The following CLU variants were observed in gnomAD, a reference collection of about 807,000 sequenced individuals.
CLU encodes the protein aging-associated protein 4.
CLU carries 25 observed loss-of-function variants against 46.4 expected under a neutral mutation model. The ratio of observed to expected loss-of-function variants is 0.54; its 90% confidence interval spans 0.39 to 0.75. The LOEUF is 0.75. CLU is among the 30% of genes least tolerant of loss of function. The probability of loss-of-function intolerance (pLI) is 0.00; values close to 1 mark genes in which losing one functional copy is unlikely to be tolerated. For synonymous variants in CLU, 235 were observed against 235.1 expected (o/e 1.00, Z 0.00); for missense variants, 504 against 592.1 (o/e 0.85, Z 1.54).
rs1233946390 is a variant in CLU at position 27,606,434 on chromosome 8, A to G, written c.337T>C (p.Cys113Arg). The change falls in exon 4 of 9, where the codon TGT (cysteine) becomes CGT (arginine). Residue 113 changes from cysteine to arginine, a missense_variant. Around this residue, in one of 3 missense-constraint regions of CLU, gnomAD observed 428 missense variants for 484.0 expected, o/e 0.88. Transcript: ENST00000316403. The part of the protein sequence containing the change: ...NETMMALWEE[C>R]KPCLKQTCMK... ...CAGGTCTGTTTCAGGCAGGGCTTAC[A>G]CTCTTCCCAGAGGGCCATCATGGTC... 6.2e-7 allele frequency: 1 copy of G among 1,613,774 alleles called. No individual in the cohort carries two copies. Among genetic ancestry groups the G allele is most frequent in the Non-Finnish European group, 8.5e-7 (1 of 1,179,972 alleles).
intron 4 of CLU, among the ~76,000 whole-genome samples, chr8:27,605,612 G>A (rs898117225): frequency 6.6e-6 from 1 of 152,244 alleles, no homozygotes; most frequent in Non-Finnish European, 1.5e-5. Flanking sequence ...TGTCATCTTT[G>A]GCCACCAATG....
intron 6 of CLU, among the ~76,000 whole-genome samples, chr8:27,600,575 C>T (rs554389960): frequency 3.3e-5 from 5 of 152,258 alleles, no homozygotes; most frequent in African/African-American, 7.2e-5. Context: ...CAGTGTGCTT[C>T]GTAACATCAT....
intron 4 of CLU, among the ~76,000 whole-genome samples, chr8:27,605,931 T>A (rs1422652503): frequency 4.6e-5 from 7 of 151,950 alleles, no homozygotes; most frequent in African/African-American, 1.7e-4. Flanking sequence ...TCCCAGCTAC[T>A]TGGGAGGCTG....
At chr8:27,610,950 AG>A in intron 1 of CLU, 1 of 370,278 alleles carries the variant, frequency 2.7e-6, no homozygotes, top group Non-Finnish European at 5.3e-6. Flanking sequence ...CTCCTTGTCC[AG>A]AGTGGTATCG....
At chr8:27,611,928 G>A in intron 1 of CLU, 1 of 364,610 alleles carries the variant, frequency 2.7e-6, no homozygotes, top group South Asian at 2.1e-5. Flanking sequence ...GAGAGACAAA[G>A]CCAGCCAGAA....
chr8:27,609,074 T>C lies in CLU; in HGVS notation c.110A>G (p.Gln37Arg). The change falls in exon 3 of 9, where the codon CAG (glutamine) becomes CGG (arginine). Residue 37 changes from glutamine (Q) to arginine (R), a missense_variant. Gln to Arg is a conservative substitution (Grantham distance 43). Transcript: ENST00000316403. ...SDNELQEMSN[Q>R]GSKYVNKEIQ... ...TTCCTTATTGACGTACTTACTTCCCTGATTGGACATTTCTGCAAGAGAAGT... is the reference window on the plus strand; with the variant it reads ...TTCCTTATTGACGTACTTACTTCCCCGATTGGACATTTCTGCAAGAGAAGT... 3 of 1,614,058 alleles carry C rather than the reference T, an allele frequency of 1.9e-6. No individual in the cohort carries two copies. Among genetic ancestry groups the C allele is most frequent in the Admixed American group, 1.7e-5 (1 of 60,034 alleles).
intron 3 of CLU, among the ~76,000 whole-genome samples, chr8:27,608,168 G>A (rs1173919262): frequency 6.6e-6 from 1 of 152,092 alleles, no homozygotes; most frequent in African/African-American, 2.4e-5. Context: ...CTATGGAGCT[G>A]TGCTCAAAGC....
Position 27,599,666 on chromosome 8 carries a change from A to G in CLU, c.1164+114T>C. ...AGGCTTCAAGGCAACAGGGGCGCCTAAAGTTTTCTATTTTCTGCCGTGTGA... is the reference window on the plus strand; with the variant it reads ...AGGCTTCAAGGCAACAGGGGCGCCTGAAGTTTTCTATTTTCTGCCGTGTGA... On this transcript the variant is annotated intron_variant, in intron 7 of 8. Coordinates refer to ENST00000316403, the MANE Select transcript of CLU (RefSeq NM_001831.4). The surrounding 1 kb of genome is among the most constrained non-coding windows in gnomAD (Gnocchi z 4.0). 1 of 818,476 alleles carries G rather than the reference A, an allele frequency of 1.2e-6. No individual in the cohort carries two copies. Among genetic ancestry groups the G allele is most frequent in the East Asian group, 2.7e-5 (1 of 37,256 alleles). The allele number at this position is 818,476 out of a possible 1,614,324, so 50.7% of individuals were successfully genotyped here.
At chr8:27,601,800 A>T (rs114289706) in intron 6 of CLU, among the ~76,000 whole-genome samples, 2 of 152,226 alleles carry the variant, frequency 1.3e-5, no homozygotes, top group African/African-American at 2.4e-5. Context: ...TACCAAAAAA[A>T]AATTTAAAAA....
intron 3 of CLU, among the ~76,000 whole-genome samples, chr8:27,607,157 G>A (rs1800836850): frequency 6.6e-6 from 1 of 152,112 alleles, no homozygotes; most frequent in African/African-American, 2.4e-5. Context: ...GGCTAACATG[G>A]TGAAACTCCA....
rs538466657 is a variant in CLU, at chr8:27,610,708, C to T, written c.-29-108G>A. On this transcript the variant is annotated intron_variant, in intron 1 of 8. Transcript: ENST00000316403. ...AGGGCCTCACTGCCCTCAGCTGTCC[C>T]CACAGCAGGCACTGCTGCACTTTTA... 3.1e-4 allele frequency: 246 copies of T among 799,060 alleles called. 1 individual carries two copies. Among genetic ancestry groups the T allele is most frequent in the Non-Finnish European group, 4.9e-4 (225 of 458,166 alleles). The allele number at this position is 799,060 out of a possible 1,614,324, so 49.5% of individuals were successfully genotyped here.
chr8:27,610,328 CA>C, intron 2 of CLU, 146 bp downstream of exon 2: 1 of 723,328 alleles, frequency 1.4e-6, no homozygotes. Flanking sequence ...AGAGTGGGCC[CA>C]GACACAGGCA....
chr8:27,600,429 T>C (rs555597196), intron 6 of CLU, among the ~76,000 whole-genome samples: 149 of 152,196 alleles, frequency 9.8e-4, no homozygotes, highest in African/African-American at 3.5e-3. Context: ...GACACGGGGT[T>C]TCTCTGTGTT....
In CLU at chr8:27,605,090, G is replaced by A. The variant is rs1379700008; in HGVS notation, c.663C>T (p.Pro221=). 6.2e-7 allele frequency: 1 copy of A among 1,614,136 alleles called. No individual in the cohort carries two copies. The highest frequency in any genetic ancestry group is 2.2e-5 in the East Asian group (1 of 44,872). Residue 221 remains proline (P), a synonymous_variant, in exon 5 of 9, where the codon CCC becomes CCT. Coordinates refer to ENST00000316403, the MANE Select transcript of CLU (RefSeq NM_001831.4). ...TCAAGCTGCGGACGATGCGGGACTT[G>A]GGAAAGAAGAAGTGAGGCCTCCGGT... The part of the protein sequence containing the change: ...LPHRRPHFFF[P]KSRIVRSLMP...
At chr8:27,610,337 G>C (rs1291233923) in intron 2 of CLU, 138 bp downstream of exon 2, 1 of 752,624 alleles carries the variant, frequency 1.3e-6, no homozygotes, top group African/African-American at 1.7e-5. Context: ...CCAGACACAG[G>C]CACCCAGACC....
intron 6 of CLU, among the ~76,000 whole-genome samples, chr8:27,602,962 G>A (rs1477022564): frequency 6.6e-6 from 1 of 152,134 alleles, no homozygotes; most frequent in African/African-American, 2.4e-5. Flanking sequence ...CTACTTGGGA[G>A]GCTGAGGCAG....
At chr8:27,609,915 G>A (rs1474183330) in intron 2 of CLU, among the ~76,000 whole-genome samples, 2 of 152,000 alleles carry the variant, frequency 1.3e-5, no homozygotes, top group African/African-American at 2.4e-5. Flanking sequence ...AAAACATCAC[G>A]TCATATACCT....
chr8:27,604,884 C>T (rs373446682), intron 5 of CLU, 40 bp downstream of exon 5: 19 of 1,610,094 alleles, frequency 1.2e-5, no homozygotes, highest in East Asian at 4.5e-5. Flanking sequence ...CAGCATCTAA[C>T]GAGTTGCTCA....
intron 1 of CLU, 50 bp from the exon 2 acceptor site, chr8:27,610,650 G>C: frequency 6.8e-7 from 1 of 1,467,820 alleles, no homozygotes; most frequent in African/African-American, 1.4e-5. Flanking sequence ...GCCTGCTGGC[G>C]TCCCGCCCAC....
Sources: gnomAD v4.1 joint callset for allele counts (sites outside exome capture counted in the v4.1 genomes callset) on GRCh38, gnomAD v4.1.1 for gene constraint, gnomAD v4.1.1 regional missense constraint, Gnocchi (gnomAD v3.1) non-coding constraint, MANE v1.5 for transcripts, NCBI Gene and HGNC (gene_info 2026-07-23, HGNC 2026-07-21) for gene names.